Variants in ZBED6 observed in about 807,000 individuals in gnomAD.
ZBED6 encodes the protein zinc finger BED-type containing 6.
In ZBED6, 40 loss-of-function variants were observed where a neutral mutation model predicts 58.4. The observed-to-expected ratio is 0.68, with a 90% CI of 0.53 to 0.89. The LOEUF (loss-of-function observed/expected upper bound fraction) is 0.89. Ranked by LOEUF, ZBED6 falls within the 40% of genes least tolerant of loss-of-function variation. The probability of loss-of-function intolerance (pLI) is 0.00; values close to 1 mark genes in which losing one functional copy is unlikely to be tolerated. For synonymous variants in ZBED6, 439 were observed against 350.6 expected, an observed-to-expected ratio of 1.25 and a Z score of -2.82; for missense variants, 1,057 against 1,003.9, an observed-to-expected ratio of 1.05 and a Z score of -0.71.
chr1:203,839,573 C>T (rs1479034433), intron 10 of ZBED6, among the ~76,000 whole-genome samples: 1 of 152,106 alleles, frequency 6.6e-6, no homozygotes, highest in Non-Finnish European at 1.5e-5. Context: ...TGGAGGTTTT[C>T]TTGCATTCTC....
chr1:203,824,999 C>T (rs1680016630), intron 3 of ZBED6, among the ~76,000 whole-genome samples: 1 of 151,362 alleles, frequency 6.6e-6, no homozygotes, highest in Admixed American at 6.6e-5. Flanking sequence ...ATTGCTTGAA[C>T]CCTGGAGGTG....
chr1:203,841,142 C>CT lies in ZBED6; in HGVS notation c.*3741+782dup, dbSNP rs1303978527. ...TCCTGATTTAGGGCAACATAAGAAT[C>CT]TTTTTTTTTTTTTTATTTTTTTTTT... On this transcript the variant is annotated intron_variant, in intron 11 of 16. Transcript: ENST00000550078. Among the ~76,000 whole-genome samples, 186 of 129,734 alleles carry CT rather than the reference C, an allele frequency of 1.4e-3. 1 individual carries two copies. Among genetic ancestry groups the CT allele is most frequent in the Non-Finnish European group, 1.7e-3 (103 of 60,164 alleles). The allele number at this position is 129,734 out of a possible 152,430, so 85.1% of individuals were successfully genotyped here. A position where few individuals can be genotyped will look rare whatever the true frequency, so the allele number is the denominator to read the frequency against.
At chr1:203,827,720 C>G (rs1233967440) in intron 3 of ZBED6, among the ~76,000 whole-genome samples, 1 of 151,792 alleles carries the variant, frequency 6.6e-6, no homozygotes, top group Non-Finnish European at 1.5e-5. Context: ...GGAAGGATAC[C>G]TAACATCCTT....
intron 2 of ZBED6, 67 bp downstream of exon 2, chr1:203,817,191 C>A: frequency 7.3e-7 from 1 of 1,363,428 alleles, no homozygotes; most frequent in Non-Finnish European, 1.0e-6. Flanking sequence ...TAAGATTTTC[C>A]CAACATTTTA....
intron 2 of ZBED6, among the ~76,000 whole-genome samples, chr1:203,817,366 A>G (rs1298872746): frequency 6.7e-6 from 1 of 149,720 alleles, no homozygotes; most frequent in Non-Finnish European, 1.5e-5. Flanking sequence ...GCATGTAGTC[A>G]TCATTCAGTG....
At chr1:203,845,035 C>G (rs1687511010) in intron 11 of ZBED6, among the ~76,000 whole-genome samples, 1 of 152,086 alleles carries the variant, frequency 6.6e-6, no homozygotes, top group Non-Finnish European at 1.5e-5. Flanking sequence ...TGTCAGATCC[C>G]ACCGTTGCTT....
chr1:203,813,542 C>G (rs1416178690), intron 1 of ZBED6, among the ~76,000 whole-genome samples: 1 of 152,076 alleles, frequency 6.6e-6, no homozygotes, highest in Non-Finnish European at 1.5e-5. Context: ...TCCTTTTCCC[C>G]TTTGTCAAAG....
intron 3 of ZBED6, among the ~76,000 whole-genome samples, chr1:203,822,805 C>T (rs886335933): frequency 1.3e-5 from 2 of 152,126 alleles, no homozygotes; most frequent in Non-Finnish European, 2.9e-5. Flanking sequence ...TTCCTATTCT[C>T]AGTCAGACTC....
At position 203,797,563 on chromosome 1, in the gene ZBED6, C is replaced by CT. The variant is rs1230554608; in HGVS notation, c.42dup (p.Pro15SerfsTer9). On this transcript the variant is annotated frameshift_variant, in exon 1 of 17. Transcript: ENST00000550078. LOFTEE classifies it high-confidence loss of function. ...CTAAGTGTACCAGTTTCTTCACTCT[C>CT]TCCTGGCAGAAGATGCAACACTTTT... 1.3e-6 allele frequency: 2 copies of CT among 1,530,698 alleles called. No homozygotes were observed. Among genetic ancestry groups the CT allele is most frequent in the African/African-American group, 1.4e-5 (1 of 72,654 alleles). The allele number at this position is 1,530,698 out of a possible 1,614,324, so 94.8% of individuals were successfully genotyped here. A position where few individuals can be genotyped will look rare whatever the true frequency, so the allele number is the denominator to read the frequency against.
chr1:203,841,215 C>T (rs913170136), intron 11 of ZBED6, among the ~76,000 whole-genome samples: 12 of 148,806 alleles, frequency 8.1e-5, no homozygotes, highest in African/African-American at 3.0e-4. Context: ...GGGGGATTGG[C>T]AGGGTCATAG....
exon 12 of ZBED6, chr1:203,847,198 G>A: frequency 6.2e-7 from 1 of 1,612,864 alleles, no homozygotes; most frequent in Admixed American, 1.7e-5. Flanking sequence ...AGTTAATAAA[G>A]TTGGTGAGAT....
At chr1:203,822,180 G>A (rs1679004280) in intron 3 of ZBED6, among the ~76,000 whole-genome samples, 1 of 152,102 alleles carries the variant, frequency 6.6e-6, no homozygotes, top group African/African-American at 2.4e-5. Context: ...CTCTTCTCCA[G>A]AAGTGAGAAA....
chr1:203,825,889 G>C (rs1260374558), intron 3 of ZBED6, among the ~76,000 whole-genome samples: 1 of 152,002 alleles, frequency 6.6e-6, no homozygotes, highest in Non-Finnish European at 1.5e-5. Context: ...CATTTTCCAA[G>C]TTGTCTTCGT....
In ZBED6 at chr1:203,828,127, A is replaced by G. The variant is rs200878067; in HGVS notation, c.*2874-172A>G. Reference sequence around the variant, plus strand: ...ACTCTCCTGCTCCATTCAGCTCTCCATCATGCCTAAGTTATGTTATTTTCA... The same window carrying G: ...ACTCTCCTGCTCCATTCAGCTCTCCGTCATGCCTAAGTTATGTTATTTTCA... On this transcript the variant is annotated intron_variant, in intron 3 of 16. Transcript: ENST00000550078. Among the ~76,000 whole-genome samples the G allele has an allele frequency of 3.3e-5, 5 of 152,196 alleles. No individual in the cohort carries two copies. The East Asian group carries it at 9.6e-4, about 29-fold the overall frequency.
exon 1 of ZBED6, chr1:203,799,846 A>T: frequency 6.5e-7 from 1 of 1,529,922 alleles, no homozygotes; most frequent in Non-Finnish European, 8.8e-7. Context: ...CCTTGCTTTA[A>T]AAACAGTTTG....
At chr1:203,812,237 T>C (rs1674727595) in intron 1 of ZBED6, among the ~76,000 whole-genome samples, 1 of 152,166 alleles carries the variant, frequency 6.6e-6, no homozygotes, top group South Asian at 2.1e-4. Flanking sequence ...TTAAGCCTAG[T>C]ATCTATTAGT....
At chr1:203,827,064 G>A (rs1348129965) in intron 3 of ZBED6, among the ~76,000 whole-genome samples, 3 of 152,086 alleles carry the variant, frequency 2.0e-5, no homozygotes, top group African/African-American at 4.8e-5. Context: ...GGTATAGTAT[G>A]CACTCTTGTG....
chr1:203,827,451 C>T (rs897375794), intron 3 of ZBED6, among the ~76,000 whole-genome samples: 5 of 149,900 alleles, frequency 3.3e-5, no homozygotes, highest in African/African-American at 7.4e-5. Flanking sequence ...GAGGCTGAGG[C>T]GGGCGGATCA....
chr1:203,853,266 A>G (rs1328335452), exon 17 of ZBED6: 1 of 152,588 alleles, frequency 6.6e-6, no homozygotes, highest in East Asian at 1.9e-4. Context: ...TCTCCCAACA[A>G]ACCCCTGTTG....
Sources: allele counts gnomAD v4.1 joint callset (sites outside exome capture counted in the v4.1 genomes callset), GRCh38; gene constraint gnomAD v4.1.1; transcripts MANE v1.5; gene names NCBI Gene and HGNC (gene_info 2026-07-23, HGNC 2026-07-21).